TP53AIP1: variants seen among roughly 807,000 people sequenced by gnomAD.
TP53AIP1 encodes the protein tumor protein p53 regulated apoptosis inducing protein 1, also known as p53-regulated apoptosis-inducing protein 1.
In TP53AIP1, 14 loss-of-function variants were observed where a neutral mutation model predicts 9.5. That is an observed-to-expected ratio of 1.47 (90% CI 0.97 to 2.30). The LOEUF (loss-of-function observed/expected upper bound fraction) is 2.30. TP53AIP1 is among the 30% of genes most tolerant of loss of function. The probability of loss-of-function intolerance (pLI) is 0.00; values close to 1 mark genes in which losing one functional copy is unlikely to be tolerated. For synonymous variants in TP53AIP1, 73 were observed against 61.2 expected, an observed-to-expected ratio of 1.19 and a Z score of -0.90; for missense variants, 153 against 146.7, an observed-to-expected ratio of 1.04 and a Z score of -0.22.
intron 1 of TP53AIP1, among the ~76,000 whole-genome samples, chr11:128,938,709 G>C (rs1187785688): frequency 6.6e-6 from 1 of 152,186 alleles, no homozygotes; most frequent in Non-Finnish European, 1.5e-5. Flanking sequence ...GCTCTGGAAT[G>C]GCAGGCCCCG....
intron 1 of TP53AIP1, among the ~76,000 whole-genome samples, chr11:128,940,794 C>A (rs1181366213): frequency 1.3e-5 from 2 of 152,224 alleles, no homozygotes. Context: ...GGGTGCCTTT[C>A]CGCAGGTGCC....
chr11:128,937,239 T>C lies in TP53AIP1; in HGVS notation c.141+439A>G. Reference sequence around the variant, plus strand: ...AGTGACTGGTGCTCCGAGGCCCATCTGGACAAAAGCAGGATCCGGGGTGGA... The same window carrying C: ...AGTGACTGGTGCTCCGAGGCCCATCCGGACAAAAGCAGGATCCGGGGTGGA... On this transcript the variant is annotated intron_variant, in intron 2 of 3. Transcript: ENST00000531399. This position sits in a 1 kb window ranked among gnomAD's most constrained non-coding sequence, Gnocchi z 4.8. 7 of 1,259,702 alleles carry C rather than the reference T, an allele frequency of 5.6e-6. No homozygotes were observed. Among genetic ancestry groups the C allele is most frequent in the Non-Finnish European group, 7.0e-6 (7 of 1,001,710 alleles). The allele number at this position is 1,259,702 out of a possible 1,614,324, so 78.0% of individuals were successfully genotyped here.
At chr11:128,938,001 G>T in intron 1 of TP53AIP1, 107 bp from the exon 2 acceptor site, 1 of 707,426 alleles carries the variant, frequency 1.4e-6, no homozygotes, top group South Asian at 2.0e-5. Context: ...ATCTGGGAGG[G>T]GGAAGCCGAT....
chr11:128,940,054 T>A (rs1944911798), intron 1 of TP53AIP1, among the ~76,000 whole-genome samples: 1 of 152,136 alleles, frequency 6.6e-6, no homozygotes, highest in African/African-American at 2.4e-5. Flanking sequence ...CTGACCATAG[T>A]GCCCTCAACA....
At chr11:128,936,319 G>A in intron 3 of TP53AIP1, 1 of 1,345,960 alleles carries the variant, frequency 7.4e-7, no homozygotes, top group Non-Finnish European at 9.5e-7. Flanking sequence ...CCACTCTTAA[G>A]TGTACCGTTA....
rs912154281 is a variant in TP53AIP1 at position 128,936,887 on chromosome 11, A to G, written c.142-238T>C. The G allele has an allele frequency of 7.6e-5, 101 of 1,325,856 alleles. No individual in the cohort carries two copies. The African/African-American group carries it at 1.4e-3, about 18-fold the overall frequency. The allele number at this position is 1,325,856 out of a possible 1,614,324, so 82.1% of individuals were successfully genotyped here. On this transcript the variant is annotated intron_variant, in intron 2 of 3. Coordinates refer to ENST00000531399, the MANE Select transcript of TP53AIP1 (RefSeq NM_022112.3). ...GAGACAAAGACAGAGACAGCAAATC[A>G]GCCCAAAGAACAGACATAAACCGGC...
In TP53AIP1 at chr11:128,937,396, GC is replaced by G. The variant is rs1944848218; in HGVS notation, c.141+281del. 11 of 1,430,426 alleles carry G rather than the reference GC, an allele frequency of 7.7e-6. No homozygotes were observed. Among genetic ancestry groups the G allele is most frequent in the Non-Finnish European group, 9.1e-6 (10 of 1,095,146 alleles). The allele number at this position is 1,430,426 out of a possible 1,614,324, so 88.6% of individuals were successfully genotyped here. A position where few individuals can be genotyped will look rare whatever the true frequency, so the allele number is the denominator to read the frequency against. On this transcript the variant is annotated intron_variant, in intron 2 of 3. Coordinates refer to ENST00000531399, the MANE Select transcript of TP53AIP1 (RefSeq NM_022112.3). The surrounding 1 kb of genome is among the most constrained non-coding windows in gnomAD (Gnocchi z 4.8). ...GCCAGGCACCACCTTCCTTCCAAAA[GC>G]CTTGTTTCTCAGAAAACCTTTCTGC...
intron 3 of TP53AIP1, chr11:128,936,174 C>T (rs1055062950): frequency 9.5e-7 from 1 of 1,051,842 alleles, no homozygotes; most frequent in Admixed American, 5.0e-5. Flanking sequence ...CGCAGCCTGG[C>T]TCCATGCTCT....
chr11:128,935,005 G>C, downstream of TP53AIP1: 1 of 703,006 alleles, frequency 1.4e-6, no homozygotes. Context: ...ATTTCAGGAT[G>C]AGGCAGCTCT....
chr11:128,937,620 G>T lies in TP53AIP1; in HGVS notation c.141+58C>A. On this transcript the variant is annotated intron_variant, in intron 2 of 3. Coordinates refer to ENST00000531399, the MANE Select transcript of TP53AIP1 (RefSeq NM_022112.3). The surrounding 1 kb of genome is among the most constrained non-coding windows in gnomAD (Gnocchi z 4.8). ...ATGTCGGCACCACGGTGAGAGCAGA[G>T]TCTGCCCGGGGCTGTGGCAGGCAAA... 2 of 1,614,178 alleles carry T rather than the reference G, an allele frequency of 1.2e-6. No individual in the cohort carries two copies. The highest frequency in any genetic ancestry group is 1.7e-6 in the Non-Finnish European group (2 of 1,180,032).
In TP53AIP1 at chr11:128,937,593, G is replaced by T; in HGVS notation, c.141+85C>A. On this transcript the variant is annotated intron_variant, in intron 2 of 3. Transcript: ENST00000531399. The surrounding 1 kb of genome is among the most constrained non-coding windows in gnomAD (Gnocchi z 4.8). ...GGGTCCTGGTGAGTCTGAAAACTTG[G>T]GATGTCGGCACCACGGTGAGAGCAG... 1 of 1,614,172 alleles carries T rather than the reference G, an allele frequency of 6.2e-7. No individual in the cohort carries two copies. The highest frequency in any genetic ancestry group is 8.5e-7 in the Non-Finnish European group (1 of 1,180,028).
chr11:128,937,158 A>C lies in TP53AIP1; in HGVS notation c.142-509T>G. 1 of 1,095,996 alleles carries C rather than the reference A, an allele frequency of 9.1e-7. No individual in the cohort carries two copies. Among genetic ancestry groups the C allele is most frequent in the African/African-American group, 1.6e-5 (1 of 61,054 alleles). 67.9% of individuals were successfully genotyped at this position (1,095,996 alleles called of 1,614,324 possible). A position where few individuals can be genotyped will look rare whatever the true frequency, so the allele number is the denominator to read the frequency against. ...TCCTTACCCCCTCCTCAGAGCCCAC[A>C]AGCTTCCGAGTGCGTCATCTTCATT... On this transcript the variant is annotated intron_variant, in intron 2 of 3. Transcript: ENST00000531399. This position sits in a 1 kb window ranked among gnomAD's most constrained non-coding sequence, Gnocchi z 4.8.
chr11:128,935,893 G>C lies in TP53AIP1; in HGVS notation c.254-181C>G, dbSNP rs1233056658. The C allele has an allele frequency of 9.9e-6, 13 of 1,310,984 alleles. No individual in the cohort carries two copies. The African/African-American group carries it at 1.8e-4, about 18-fold the overall frequency. 81.2% of individuals were successfully genotyped at this position (1,310,984 alleles called of 1,614,324 possible). ...CCCAAGACAGGAAAAAAAATCTTTAGATTTCATAGATATCAAATGGGCCAA... is the reference window on the plus strand; with the variant it reads ...CCCAAGACAGGAAAAAAAATCTTTACATTTCATAGATATCAAATGGGCCAA... On this transcript the variant is annotated intron_variant, in intron 3 of 3. Transcript: ENST00000531399.
intron 3 of TP53AIP1, chr11:128,935,960 C>T: frequency 8.5e-7 from 1 of 1,178,140 alleles, no homozygotes; most frequent in Non-Finnish European, 1.1e-6. Flanking sequence ...CTAATGATAA[C>T]AGTAAGATAT....
chr11:128,935,892 A>G (rs988073542), intron 3 of TP53AIP1, 180 bp from the exon 4 acceptor site: 1 of 1,316,942 alleles, frequency 7.6e-7, no homozygotes, highest in South Asian at 2.6e-5. Flanking sequence ...AAAAATCTTT[A>G]GATTTCATAG....
At chr11:128,936,150 T>A (rs1944818934) in intron 3 of TP53AIP1, 8 of 1,034,578 alleles carry the variant, frequency 7.7e-6, no homozygotes, top group Non-Finnish European at 9.3e-6. Context: ...GAGTCAGGAT[T>A]TGAACCCAGA....
intron 1 of TP53AIP1, among the ~76,000 whole-genome samples, chr11:128,938,662 G>T (rs931206957): frequency 6.6e-6 from 1 of 152,146 alleles, no homozygotes. Flanking sequence ...GCTGCATTCT[G>T]AGCTACTGCC....
chr11:128,935,906 T>C, intron 3 of TP53AIP1, 194 bp from the exon 4 acceptor site: 7 of 1,308,644 alleles, frequency 5.3e-6, no homozygotes, highest in Non-Finnish European at 6.8e-6. Context: ...TTCATAGATA[T>C]CAAATGGGCC....
chr11:128,941,065 G>C (rs1944930950), intron 1 of TP53AIP1, among the ~76,000 whole-genome samples: 1 of 152,214 alleles, frequency 6.6e-6, no homozygotes, highest in Non-Finnish European at 1.5e-5. Flanking sequence ...GCAGGGGGCG[G>C]GATGAGGAGA....
Sources: allele counts gnomAD v4.1 joint callset (sites outside exome capture counted in the v4.1 genomes callset), GRCh38; gene constraint gnomAD v4.1.1; non-coding constraint Gnocchi (gnomAD v3.1); transcripts MANE v1.5; gene names NCBI Gene and HGNC (gene_info 2026-07-23, HGNC 2026-07-21).